The following NHS variants were observed in gnomAD, a reference collection of about 807,000 sequenced individuals.
NHS encodes the protein actin remodeling regulator NHS.
Under a neutral mutation model 72.5 loss-of-function variants are expected in NHS, and 5 were observed. The ratio of observed to expected loss-of-function variants is 0.07; its 90% CI spans 0.04 to 0.14. The LOEUF is 0.14. NHS is among the 10% of genes least tolerant of loss of function. The pLI, the probability that NHS is intolerant of heterozygous loss-of-function variation, is 1.00. For missense variants in NHS, 1,072 were observed against 1,355.7 expected (o/e 0.79, Z 3.29); for synonymous variants, 464 against 547.7 (o/e 0.85, Z 2.13).
intron 1 of NHS, among the ~76,000 whole-genome samples, chrX:17,608,671 C>CTTT (rs774714519): frequency 1.0e-5 from 1 of 99,810 alleles, no homozygotes; most frequent in African/African-American, 3.6e-5. Context: ...AATGAAAAGA[C>CTTT]TTTTTTTTTT....
chrX:17,688,296 T>G (rs903317709), intron 2 of NHS, among the ~76,000 whole-genome samples: 1 of 111,550 alleles, frequency 9.0e-6, no homozygotes, highest in Non-Finnish European at 1.9e-5. Context: ...ACTGGTACAT[T>G]CAGTATATAT....
At chrX:17,530,189 G>A (rs1258609263) in intron 1 of NHS, among the ~76,000 whole-genome samples, 1 of 111,177 alleles carries the variant, frequency 9.0e-6, no homozygotes, top group African/African-American at 3.3e-5. Context: ...AACGTGTCCA[G>A]AGATCTCTGG....
chrX:17,415,453 C>T (rs1408859421), intron 1 of NHS, among the ~76,000 whole-genome samples: 2 of 111,112 alleles, frequency 1.8e-5, no homozygotes, highest in East Asian at 2.8e-4. Flanking sequence ...CTGCCCTCCT[C>T]TCTCCACAGC....
chrX:17,626,656 G>C (rs902619715), intron 1 of NHS, among the ~76,000 whole-genome samples: 1 of 111,670 alleles, frequency 9.0e-6, no homozygotes, highest in African/African-American at 3.3e-5. Context: ...TTTTCTTGCC[G>C]TTTGTCTCCT....
intron 1 of NHS, among the ~76,000 whole-genome samples, chrX:17,595,162 T>C (rs1282942507): frequency 2.7e-5 from 3 of 111,927 alleles, no homozygotes; most frequent in Non-Finnish European, 5.6e-5. Context: ...GGATTTTGGC[T>C]CTTCTCATTC....
chrX:17,702,907 G>A (rs368721202), intron 3 of NHS, among the ~76,000 whole-genome samples: 2 of 110,545 alleles, frequency 1.8e-5, no homozygotes, highest in East Asian at 5.7e-4. Flanking sequence ...ATCCCACCTG[G>A]CCACTCCCCT....
intron 1 of NHS, among the ~76,000 whole-genome samples, chrX:17,430,330 TTTTCTTC>T (rs2064687794): frequency 7.6e-5 from 7 of 91,683 alleles, no homozygotes; most frequent in African/African-American, 2.1e-4. Context: ...CTTTCTTTCT[TTTTCTTC>T]TCTTTCTTTC....
At chrX:17,717,549 G>C in intron 3 of NHS, among the ~76,000 whole-genome samples, 1 of 112,828 alleles carries the variant, frequency 8.9e-6, no homozygotes. Flanking sequence ...AAAAGTTTCA[G>C]TGGCCTTCTC....
In NHS at chrX:17,695,465, TA is replaced by T. The variant is rs760767421; in HGVS notation, c.852+3000del. Among the ~76,000 whole-genome samples the T allele has an allele frequency of 3.7e-4, 41 of 112,096 alleles. 2 individuals are homozygous for T. Among genetic ancestry groups the T allele is most frequent in the Admixed American group, 3.1e-3 (33 of 10,591 alleles). ...TTATCAGGGATTTTTACATAGTTTA[TA>T]AATTTGTGTATAGTATAATCTCAAA... On this transcript the variant is annotated intron_variant, in intron 3 of 8. Coordinates refer to ENST00000676302, the MANE Select transcript of NHS (RefSeq NM_001291867.2).
chrX:17,530,472 G>A (rs1298066220), intron 1 of NHS, among the ~76,000 whole-genome samples: 1 of 111,225 alleles, frequency 9.0e-6, no homozygotes, highest in Non-Finnish European at 1.9e-5. Context: ...GGATGATTTG[G>A]ACCCTTGCTA....
intron 1 of NHS, among the ~76,000 whole-genome samples, chrX:17,498,598 A>G (rs2065023791): frequency 9.0e-6 from 1 of 111,411 alleles, no homozygotes; most frequent in African/African-American, 3.3e-5. Flanking sequence ...GGGGTAGAAA[A>G]TGACACAAGC....
chrX:17,520,622 A>G, intron 1 of NHS, among the ~76,000 whole-genome samples: 1 of 112,124 alleles, frequency 8.9e-6, no homozygotes, highest in Non-Finnish European at 1.9e-5. Context: ...AGAGAAGAAA[A>G]TTAGCAATTT....
At position 17,503,793 on chromosome X, in the gene NHS, T is replaced by C. The variant is rs1209466142; in HGVS notation, c.565+127471T>C. Among the ~76,000 whole-genome samples, 3 of 111,940 alleles carry C rather than the reference T, an allele frequency of 2.7e-5. No individual in the cohort carries two copies. The East Asian group carries it at 8.4e-4, about 31-fold the overall frequency. On this transcript the variant is annotated intron_variant, in intron 1 of 8. Transcript: ENST00000676302. ...CTGGCTTTTATAATTTTTGTCCTGATCCATGTGTTGAAATAATTATTTTGG... is the reference window on the plus strand; with the variant it reads ...CTGGCTTTTATAATTTTTGTCCTGACCCATGTGTTGAAATAATTATTTTGG...
chrX:17,575,076 G>A (rs1328822402), intron 1 of NHS, among the ~76,000 whole-genome samples: 3 of 112,393 alleles, frequency 2.7e-5, no homozygotes, highest in Admixed American at 9.4e-5. Flanking sequence ...AAACTACTAC[G>A]TACTCCTACC....
At position 17,376,306 on chromosome X, in the gene NHS, T is replaced by G; in HGVS notation, c.549T>G (p.Pro183=). The G allele has an allele frequency of 8.7e-7, 1 of 1,153,931 alleles. No homozygotes were observed. The highest frequency in any genetic ancestry group is 1.1e-6 in the Non-Finnish European group (1 of 871,894). ...GVQRVLSTLD[P]KQEAVPVSNL... is the part of the protein sequence containing the mutation. ...AGCGCGTCCTCAGCACGCTTGACCCTAAGCAGGAGGCAGTGCGTGAGTACC... is the reference window on the plus strand; with the variant it reads ...AGCGCGTCCTCAGCACGCTTGACCCGAAGCAGGAGGCAGTGCGTGAGTACC... The change falls in exon 1 of 9, where the codon CCT becomes CCG. Residue 183 remains proline, a synonymous_variant. Coordinates refer to ENST00000676302, the MANE Select transcript of NHS (RefSeq NM_001291867.2).
chrX:17,627,520 G>T (rs1271042739), intron 1 of NHS, among the ~76,000 whole-genome samples: 1 of 111,696 alleles, frequency 9.0e-6, no homozygotes, highest in African/African-American at 3.3e-5. Flanking sequence ...GCACCATCTT[G>T]AATACATTTG....
In NHS at chrX:17,694,126, G is replaced by A. The variant is rs757666912; in HGVS notation, c.852+1658G>A. 5.4e-5 allele frequency among the ~76,000 whole-genome samples: 6 copies of A among 111,897 alleles called. No homozygotes were observed. The East Asian group carries it at 8.4e-4, about 16-fold the overall frequency. On this transcript the variant is annotated intron_variant, in intron 3 of 8. Transcript: ENST00000676302. ...ACTATAGGAAAAGGCTTAAAATGAC[G>A]AATAGCAACGAGAGTACATCATTTA... is the stretch of plus-strand genomic sequence containing the variant.
At position 17,732,294 on chromosome X, in the gene NHS, T is replaced by C; in HGVS notation, c.4786T>C (p.Ser1596Pro). 8.2e-7 allele frequency: 1 copy of C among 1,212,135 alleles called. No homozygotes were observed. The highest frequency in any genetic ancestry group is 1.1e-6 in the Non-Finnish European group (1 of 895,594). Residue 1596 changes from serine to proline, a missense_variant, in exon 9 of 9, where the codon TCA becomes CCA. Transcript: ENST00000676302. ...EGFSSKSFAT[S>P]ASARVGRSRA... ...CTTTTCCTCGAAGAGCTTTGCCACCTCAGCATCAGCAAGGGTTGGACGTTC... is the reference window on the plus strand; with the variant it reads ...CTTTTCCTCGAAGAGCTTTGCCACCCCAGCATCAGCAAGGGTTGGACGTTC...
At chrX:17,537,166 AC>A (rs1393751165) in intron 1 of NHS, among the ~76,000 whole-genome samples, 1 of 112,250 alleles carries the variant, frequency 8.9e-6, no homozygotes, top group Non-Finnish European at 1.9e-5. Flanking sequence ...CGTATATGGC[AC>A]CAAACTTGAA....
Sources: gnomAD v4.1 joint callset for allele counts (sites outside exome capture counted in the v4.1 genomes callset) on GRCh38, gnomAD v4.1.1 for gene constraint, MANE v1.5 for transcripts, NCBI Gene and HGNC (gene_info 2026-07-23, HGNC 2026-07-21) for gene names.